SLC37A3: variants seen among roughly 807,000 people sequenced by gnomAD.
SLC37A3 encodes solute carrier family 37 member 3.
Under a neutral mutation model 67.1 loss-of-function variants are expected in SLC37A3, and 51 were observed. That is an observed-to-expected ratio of 0.76 (90% CI 0.61 to 0.96). The LOEUF is 0.96. Ranked by LOEUF, SLC37A3 falls within the 40% of genes least tolerant of loss-of-function variation. The pLI, the probability that SLC37A3 is intolerant of heterozygous loss-of-function variation, is 0.00. For synonymous variants in SLC37A3, 214 were observed against 231.4 expected, an observed-to-expected ratio of 0.92 and a Z score of 0.68; for missense variants, 508 against 603.0, an observed-to-expected ratio of 0.84 and a Z score of 1.65.
intron 11 of SLC37A3, among the ~76,000 whole-genome samples, chr7:140,345,633 A>T (rs1796525653): frequency 6.6e-6 from 1 of 152,168 alleles, no homozygotes; most frequent in African/African-American, 2.4e-5. Context: ...TACACTCCCA[A>T]GCAAGCTTTT....
At chr7:140,368,729 G>A (rs115901137) in intron 4 of SLC37A3, among the ~76,000 whole-genome samples, 3 of 152,202 alleles carry the variant, frequency 2.0e-5, no homozygotes, top group Non-Finnish European at 2.9e-5. Flanking sequence ...ATCCAAAAGC[G>A]AGTCATCAAA....
Position 140,363,090 on chromosome 7 carries a change from C to T in SLC37A3, c.375+1318G>A, listed in dbSNP as rs62490379. ...TGGTGGGGGGGGTCAGCCCCCCGCC[C>T]GGCCAGCCGCCCCATCCGGGAGGTG... On this transcript the variant is annotated intron_variant, in intron 5 of 14. Transcript: ENST00000326232. Among the ~76,000 whole-genome samples the T allele has an allele frequency of 4.6e-5, 4 of 87,576 alleles. 1 individual carries two copies. The highest frequency in any genetic ancestry group is 3.8e-4 in the East Asian group (1 of 2,632). 57.5% of individuals were successfully genotyped at this position (87,576 alleles called of 152,430 possible). A position where few individuals can be genotyped will look rare whatever the true frequency, so the allele number is the denominator to read the frequency against.
At position 140,370,361 on chromosome 7, in the gene SLC37A3, T is replaced by C. The variant is rs188050418; in HGVS notation, c.199-679A>G. The C allele has an allele frequency of 6.7e-4, 102 of 152,264 alleles. 1 individual carries two copies. The highest frequency in any genetic ancestry group is 2.3e-3 in the African/African-American group (96 of 41,550). 9.4% of individuals were successfully genotyped at this position (152,264 alleles called of 1,614,324 possible). On this transcript the variant is annotated intron_variant, in intron 3 of 14. Transcript: ENST00000326232. ...GGCAGTAAGTTTAAAAGCAGACATT[T>C]AGAAGAAATAAATTCTGATGATAAT...
intron 6 of SLC37A3, among the ~76,000 whole-genome samples, chr7:140,356,195 C>CAAA (rs60174653): frequency 1.5e-3 from 203 of 134,990 alleles, no homozygotes; most frequent in Middle Eastern, 3.9e-3. Flanking sequence ...CTCCACCTCC[C>CAAA]AAAAAAAAAA....
intron 3 of SLC37A3, among the ~76,000 whole-genome samples, chr7:140,375,069 G>A (rs1797975147): frequency 7.1e-6 from 1 of 140,556 alleles, no homozygotes; most frequent in Non-Finnish European, 1.6e-5. Context: ...TCGAAGAATC[G>A]CTTCAACCCA....
At chr7:140,346,660 G>A (rs1796572828) in intron 10 of SLC37A3, among the ~76,000 whole-genome samples, 1 of 152,222 alleles carries the variant, frequency 6.6e-6, no homozygotes, top group South Asian at 2.1e-4. Context: ...AGCACTTTGG[G>A]AGACCAAGGC....
At chr7:140,357,953 G>T (rs1366014391) in intron 6 of SLC37A3, among the ~76,000 whole-genome samples, 1 of 151,746 alleles carries the variant, frequency 6.6e-6, no homozygotes, top group Non-Finnish European at 1.5e-5. Flanking sequence ...GTACACACCT[G>T]TAATCCCAGC....
chr7:140,344,045 GA>G (rs1796460978), intron 12 of SLC37A3: 2 of 183,518 alleles, frequency 1.1e-5, no homozygotes, highest in South Asian at 2.1e-4. Flanking sequence ...TGGCCCAGGT[GA>G]ATCTGGTCCC....
At chr7:140,372,638 G>A (rs982871221) in intron 3 of SLC37A3, among the ~76,000 whole-genome samples, 3 of 152,068 alleles carry the variant, frequency 2.0e-5, no homozygotes, top group Non-Finnish European at 2.9e-5. Context: ...CGAGGAGGGC[G>A]GATCACTTGA....
chr7:140,376,616 G>A (rs1264984155), intron 3 of SLC37A3, among the ~76,000 whole-genome samples: 1 of 152,166 alleles, frequency 6.6e-6, no homozygotes, highest in Admixed American at 6.5e-5. Flanking sequence ...GCTATCCAGG[G>A]GGGCAGGGGA....
At chr7:140,393,866 G>A (rs1798814683) in intron 1 of SLC37A3, among the ~76,000 whole-genome samples, 1 of 152,130 alleles carries the variant, frequency 6.6e-6, no homozygotes, top group Non-Finnish European at 1.5e-5. Flanking sequence ...AGAGCACTGA[G>A]AACGATCAAT....
chr7:140,370,446 C>T (rs956910462), intron 3 of SLC37A3: 1 of 152,116 alleles, frequency 6.6e-6, no homozygotes, highest in African/African-American at 2.4e-5. Context: ...CCATCTAGGG[C>T]CATACCACCC....
chr7:140,369,519 T>C, intron 4 of SLC37A3, 71 bp downstream of exon 4: 1 of 1,281,774 alleles, frequency 7.8e-7, no homozygotes, highest in Non-Finnish European at 1.1e-6. Flanking sequence ...CCCTTACAAA[T>C]TTTGTAAGGC....
chr7:140,380,204 C>CA (rs1798194891), intron 3 of SLC37A3, 78 bp downstream of exon 3: 2 of 808,736 alleles, frequency 2.5e-6, no homozygotes, highest in Non-Finnish European at 4.0e-6. Flanking sequence ...GTAAAAGATG[C>CA]AAAAAAGAGC....
chr7:140,368,925 C>T (rs1284946549), intron 4 of SLC37A3, among the ~76,000 whole-genome samples: 3 of 152,154 alleles, frequency 2.0e-5, no homozygotes, highest in African/African-American at 7.2e-5. Flanking sequence ...TCACCATCAT[C>T]CTTCACCTCA....
At chr7:140,363,901 A>G (rs901415481) in intron 5 of SLC37A3, among the ~76,000 whole-genome samples, 13 of 152,086 alleles carry the variant, frequency 8.5e-5, no homozygotes, top group African/African-American at 3.1e-4. Context: ...TATTCAGACT[A>G]TTAATTAACT....
In SLC37A3 at chr7:140,335,209, A is replaced by C; in HGVS notation, c.*203T>G. On this transcript the variant is annotated 3_prime_UTR_variant, in exon 15 of 15. Coordinates refer to ENST00000326232, the MANE Select transcript of SLC37A3 (RefSeq NM_207113.3). ...GCACATTCATGAAACAACAGCAAAA[A>C]TCATCAACAGTAATTCCTGTAGTGT... 1.3e-6 allele frequency: 2 copies of C among 1,597,992 alleles called. No homozygotes were observed. Among genetic ancestry groups the C allele is most frequent in the Non-Finnish European group, 1.7e-6 (2 of 1,168,964 alleles).
At chr7:140,363,725 A>G (rs1185409987) in intron 5 of SLC37A3, among the ~76,000 whole-genome samples, 1 of 142,238 alleles carries the variant, frequency 7.0e-6, no homozygotes, top group Non-Finnish European at 1.5e-5. Flanking sequence ...AAAAAAAAAG[A>G]GCAAAACTCC....
At chr7:140,345,292 G>A in intron 11 of SLC37A3, 29 bp from the exon 12 acceptor site, 20 of 1,608,920 alleles carry the variant, frequency 1.2e-5, no homozygotes, top group Non-Finnish European at 1.3e-5. Context: ...ACAAACCATG[G>A]TGGCTTGAAA....
Sources: gnomAD v4.1 joint callset for allele counts (sites outside exome capture counted in the v4.1 genomes callset) on GRCh38, gnomAD v4.1.1 for gene constraint, MANE v1.5 for transcripts, NCBI Gene and HGNC (gene_info 2026-07-23, HGNC 2026-07-21) for gene names.